The following KLF12 variants were observed in gnomAD, a reference collection of about 807,000 sequenced individuals.
KLF12 encodes KLF transcription factor 12.
A neutral mutation model predicts 37.8 loss-of-function variants in KLF12; 9 were observed. The ratio of observed to expected loss-of-function variants is 0.24; its 90% CI spans 0.14 to 0.42. The LOEUF (loss-of-function observed/expected upper bound fraction) is 0.42, where lower values mean the gene tolerates loss of function less well. Among genes scored for constraint, KLF12 ranks in the 10% least tolerant of loss-of-function variants. The probability of loss-of-function intolerance (pLI) is 1.00; values close to 1 mark genes in which losing one functional copy is unlikely to be tolerated. For missense variants in KLF12, 411 were observed against 516.0 expected (o/e 0.80, Z 1.97); for synonymous variants, 208 against 202.1 (o/e 1.03, Z -0.25).
At chr13:73,716,074 T>C (rs1336339544) in intron 6 of KLF12, among the ~76,000 whole-genome samples, 1 of 152,198 alleles carries the variant, frequency 6.6e-6, no homozygotes, top group Non-Finnish European at 1.5e-5. Flanking sequence ...TTCTGTTTGG[T>C]GAAACGCACC....
chr13:74,046,148 A>C (rs1893537394), intron 1 of KLF12, among the ~76,000 whole-genome samples: 1 of 152,182 alleles, frequency 6.6e-6, no homozygotes, highest in Non-Finnish European at 1.5e-5. Context: ...GACTTAAATG[A>C]GGACTTACTA....
intron 3 of KLF12, among the ~76,000 whole-genome samples, chr13:73,855,305 T>C (rs1163915581): frequency 2.0e-5 from 3 of 152,176 alleles, no homozygotes; most frequent in African/African-American, 7.2e-5. Context: ...GTGTACTCAA[T>C]GTTTAGCTCC....
intron 1 of KLF12, among the ~76,000 whole-genome samples, chr13:74,025,170 ATC>A (rs1281276751): frequency 6.6e-6 from 1 of 152,224 alleles, no homozygotes; most frequent in Admixed American, 6.5e-5. Context: ...AAGGGGCTGT[ATC>A]TCTATCACTT....
intron 3 of KLF12, among the ~76,000 whole-genome samples, chr13:73,871,686 T>G (rs971775285): frequency 1.3e-5 from 2 of 152,144 alleles, no homozygotes; most frequent in Non-Finnish European, 2.9e-5. Context: ...ACCCAACTAT[T>G]TCCTAATTCC....
the KLF12 span, among the ~76,000 whole-genome samples, chr13:74,152,398 C>G: frequency 6.6e-6 from 1 of 152,108 alleles, no homozygotes; most frequent in Non-Finnish European, 1.5e-5. Flanking sequence ...TTAGCTTTTA[C>G]CCTTTTACCT....
At chr13:74,252,652 A>T in the KLF12 span, among the ~76,000 whole-genome samples, 2 of 152,222 alleles carry the variant, frequency 1.3e-5, no homozygotes, top group Non-Finnish European at 2.9e-5. Flanking sequence ...AAATCAAATT[A>T]TTTATTATCC....
At chr13:74,052,920 T>G (rs17220111) in intron 1 of KLF12, among the ~76,000 whole-genome samples, 38,477 of 152,028 alleles carry the variant, frequency 0.25, 5,254 homozygotes, top group Admixed American at 0.34. Context: ...CAATGAAATA[T>G]CTTGTTTTCC....
At chr13:74,123,305 A>C (rs1031965962) in intron 1 of KLF12, among the ~76,000 whole-genome samples, 1 of 152,204 alleles carries the variant, frequency 6.6e-6, no homozygotes, top group South Asian at 2.1e-4. Context: ...AAATAGGAAA[A>C]GTTTTTCTAG....
chr13:74,239,680 C>T, the KLF12 span, among the ~76,000 whole-genome samples: 47 of 141,430 alleles, frequency 3.3e-4, no homozygotes, highest in African/African-American at 1.1e-3. Context: ...GAATTGATCC[C>T]TTTACCATTA....
At chr13:73,826,107 G>A (rs1883825858) in intron 4 of KLF12, among the ~76,000 whole-genome samples, 1 of 151,966 alleles carries the variant, frequency 6.6e-6, no homozygotes, top group Non-Finnish European at 1.5e-5. Flanking sequence ...CGAGTAGCTG[G>A]GACTACAGGC....
At chr13:74,073,727 G>C (rs971414652) in intron 1 of KLF12, among the ~76,000 whole-genome samples, 1 of 152,162 alleles carries the variant, frequency 6.6e-6, no homozygotes, top group African/African-American at 2.4e-5. Context: ...AAGGATTGAG[G>C]GGGGAATGCA....
In KLF12 at chr13:73,742,818, C is replaced by G. The variant is rs1038091036; in HGVS notation, c.869+22120G>C. Among the ~76,000 whole-genome samples, 3 of 152,158 alleles carry G rather than the reference C, an allele frequency of 2.0e-5. No homozygotes were observed. In the East Asian group the frequency reaches 5.8e-4, roughly 29 times the overall value. ...AGAAGATGAAATGGTGGGACATATA[C>G]TTTTCAAATGAGAGCTCAGGTTTAC... On this transcript the variant is annotated intron_variant, in intron 6 of 7. Transcript: ENST00000377669.
At chr13:74,269,587 TTA>T in the KLF12 span, among the ~76,000 whole-genome samples, 14 of 152,322 alleles carry the variant, frequency 9.2e-5, no homozygotes, top group African/African-American at 3.4e-4. Flanking sequence ...GATGATATCA[TTA>T]TATTTGGCAG....
intron 1 of KLF12, among the ~76,000 whole-genome samples, chr13:74,064,912 T>C (rs1873817935): frequency 6.6e-6 from 1 of 152,214 alleles, no homozygotes; most frequent in Admixed American, 6.5e-5. Flanking sequence ...CCCATCATAC[T>C]ACTCTAAGTC....
At chr13:74,123,755 T>C (rs749442362) in intron 1 of KLF12, among the ~76,000 whole-genome samples, 30 of 152,234 alleles carry the variant, frequency 2.0e-4, no homozygotes, top group Non-Finnish European at 4.0e-4. Flanking sequence ...TTATGTAATG[T>C]GGACTTGCAA....
chr13:74,012,897 T>TGTA (rs1309889529), intron 1 of KLF12, among the ~76,000 whole-genome samples: 1 of 152,220 alleles, frequency 6.6e-6, no homozygotes, highest in Non-Finnish European at 1.5e-5. Context: ...TGACCTCTAC[T>TGTA]AACTATCCCT....
chr13:74,187,369 T>A, the KLF12 span, among the ~76,000 whole-genome samples: 65 of 152,070 alleles, frequency 4.3e-4, no homozygotes, highest in African/African-American at 1.5e-3. Context: ...GCTCAGTGGT[T>A]AACTAACCTT....
chr13:74,137,396 A>T (rs562316857), upstream of KLF12, among the ~76,000 whole-genome samples: 23 of 152,302 alleles, frequency 1.5e-4, no homozygotes, highest in Middle Eastern at 3.4e-3. Flanking sequence ...AAGAATGATA[A>T]CCCATTTCCC....
intron 2 of KLF12, among the ~76,000 whole-genome samples, chr13:73,944,368 A>G (rs1890326831): frequency 6.6e-6 from 1 of 152,208 alleles, no homozygotes; most frequent in Non-Finnish European, 1.5e-5. Context: ...GGCTGCAACA[A>G]TTCATCACAC....
Sources: gnomAD v4.1 joint callset for allele counts (sites outside exome capture counted in the v4.1 genomes callset) on GRCh38, gnomAD v4.1.1 for gene constraint, MANE v1.5 for transcripts, NCBI Gene and HGNC (gene_info 2026-07-23, HGNC 2026-07-21) for gene names.